SGK3: variants seen among roughly 807,000 people sequenced by gnomAD.
SGK3 encodes serum/glucocorticoid regulated kinase family member 3.
SGK3 carries 47 observed loss-of-function variants against 68.5 expected under a neutral mutation model. The ratio of observed to expected loss-of-function variants is 0.69; its 90% CI spans 0.54 to 0.87. The LOEUF (loss-of-function observed/expected upper bound fraction) is 0.87, where lower values mean the gene tolerates loss of function less well. SGK3 is among the 40% of genes least tolerant of loss of function. SGK3 has a pLI of 0.00. For missense variants in SGK3, 479 were observed against 575.5 expected (o/e 0.83, Z 1.72); for synonymous variants, 181 against 189.1 (o/e 0.96, Z 0.35).
At chr8:66,750,225 A>G (rs144682408) in intron 1 of SGK3, among the ~76,000 whole-genome samples, 1 of 152,250 alleles carries the variant, frequency 6.6e-6, no homozygotes, top group Non-Finnish European at 1.5e-5. Flanking sequence ...TGTCCTTTGT[A>G]CATATCTGGA....
chr8:66,826,230 C>T (rs1014066271), intron 6 of SGK3, among the ~76,000 whole-genome samples: 4 of 152,144 alleles, frequency 2.6e-5, no homozygotes, highest in Admixed American at 6.5e-5. Flanking sequence ...CTCGGCCTCC[C>T]AAAGTGCTGG....
At chr8:66,836,899 G>T (rs1191296465) in intron 10 of SGK3, among the ~76,000 whole-genome samples, 1 of 149,734 alleles carries the variant, frequency 6.7e-6, no homozygotes, top group Non-Finnish European at 1.5e-5. Context: ...TTTTAAAACC[G>T]TGCAGTCCCC....
chr8:66,840,323 CAG>C (rs1463265311), intron 12 of SGK3, 76 bp downstream of exon 12: 9 of 1,353,756 alleles, frequency 6.6e-6, no homozygotes, highest in East Asian at 2.3e-5. Context: ...AAAAAAGTCT[CAG>C]AGATTCTGTA....
At chr8:66,765,839 C>T (rs1013085741) in intron 1 of SGK3, among the ~76,000 whole-genome samples, 1 of 151,942 alleles carries the variant, frequency 6.6e-6, no homozygotes, top group Non-Finnish European at 1.5e-5. Context: ...GCCTGACTAA[C>T]ACGGTGAAAC....
chr8:66,763,546 C>G (rs1030501749), intron 1 of SGK3, among the ~76,000 whole-genome samples: 1 of 152,052 alleles, frequency 6.6e-6, no homozygotes, highest in East Asian at 1.9e-4. Flanking sequence ...AATCTTGGTA[C>G]TAGGGGTGTT....
rs1210209696 is a variant in SGK3, at chr8:66,801,458, T to G, written c.180+2833T>G. On this transcript the variant is annotated intron_variant, in intron 3 of 16. Transcript: ENST00000521198. Reference sequence around the variant, plus strand: ...TAGTGATTTTTTAAAAAATGGCTTATTTTGGAGGCTGAGTTTGGGTTGCAA... The same window carrying G: ...TAGTGATTTTTTAAAAAATGGCTTAGTTTGGAGGCTGAGTTTGGGTTGCAA... Among the ~76,000 whole-genome samples the G allele has an allele frequency of 2.0e-5, 3 of 152,198 alleles. 1 individual carries two copies. The highest frequency in any genetic ancestry group is 4.1e-4 in the South Asian group (2 of 4,832).
rs201687842 is a variant in SGK3 at position 66,823,401 on chromosome 8, T to TG, written c.417+942_417+943insG. Among the ~76,000 whole-genome samples the TG allele has an allele frequency of 3.3e-3, 504 of 152,000 alleles. 4 individuals are homozygous for TG. Among genetic ancestry groups the TG allele is most frequent in the African/African-American group, 0.012 (481 of 41,452 alleles). ...TAGGGTAGCCTTGTTTTTTTTTTTT[T>TG]TTGTTAATTTTTTTTGAGATGGAGT... is the stretch of plus-strand genomic sequence containing the variant. On this transcript the variant is annotated intron_variant, in intron 6 of 16. Transcript: ENST00000521198.
intron 1 of SGK3, among the ~76,000 whole-genome samples, chr8:66,715,114 T>C (rs958083466): frequency 7.9e-5 from 12 of 152,254 alleles, no homozygotes; most frequent in African/African-American, 2.7e-4. Context: ...TTTGGACTTA[T>C]TTCTTAAGAT....
intron 4 of SGK3, among the ~76,000 whole-genome samples, chr8:66,810,108 T>C (rs913246008): frequency 1.3e-5 from 2 of 152,166 alleles, no homozygotes; most frequent in Non-Finnish European, 2.9e-5. Context: ...GTTCTACCTG[T>C]TGATTGGAGG....
chr8:66,759,485 G>A (rs1249886267), intron 1 of SGK3, among the ~76,000 whole-genome samples: 1 of 150,866 alleles, frequency 6.6e-6, no homozygotes, highest in Non-Finnish European at 1.5e-5. Context: ...AGCCTGGAGT[G>A]CACTGGCATG....
At chr8:66,746,054 A>G (rs974426374) in intron 1 of SGK3, among the ~76,000 whole-genome samples, 2 of 152,198 alleles carry the variant, frequency 1.3e-5, no homozygotes, top group African/African-American at 4.8e-5. Context: ...GGACCACCAT[A>G]GATTATAGCA....
At chr8:66,735,343 C>G (rs1805288309) in intron 1 of SGK3, among the ~76,000 whole-genome samples, 1 of 152,204 alleles carries the variant, frequency 6.6e-6, no homozygotes, top group Non-Finnish European at 1.5e-5. Flanking sequence ...TAAGTTTGTA[C>G]AGAAGTAGAA....
intron 1 of SGK3, among the ~76,000 whole-genome samples, chr8:66,783,179 T>G (rs115530360): frequency 5.9e-5 from 9 of 152,258 alleles, no homozygotes; most frequent in Admixed American, 5.9e-4. Flanking sequence ...CTGAAAAGTA[T>G]GTAATGGTAT....
At chr8:66,749,409 C>T (rs774418282) in intron 1 of SGK3, among the ~76,000 whole-genome samples, 17 of 151,874 alleles carry the variant, frequency 1.1e-4, no homozygotes, top group East Asian at 3.9e-4. Context: ...AAAACAAAAA[C>T]GAAGAATAAC....
intron 3 of SGK3, among the ~76,000 whole-genome samples, 178 bp from the exon 4 acceptor site, chr8:66,804,197 A>G (rs893365291): frequency 7.2e-5 from 11 of 152,142 alleles, no homozygotes; most frequent in Non-Finnish European, 1.2e-4. Flanking sequence ...ACTAAAAAAG[A>G]CGATTAGTTT....
rs550056262 is a variant in SGK3 at position 66,712,835 on chromosome 8, T to A, written c.-122+2T>A. 1 of 151,146 alleles carries A rather than the reference T, an allele frequency of 6.6e-6. No individual in the cohort carries two copies. Among genetic ancestry groups the A allele is most frequent in the South Asian group, 2.1e-4 (1 of 4,812 alleles). 9.4% of individuals were successfully genotyped at this position (151,146 alleles called of 1,614,324 possible). ...CCGGGAGCAGCACCGCGGGGCCAGG[T>A]AGGTGCGGGGCCGGCGGGAGGGTCC... On this transcript the variant is annotated splice_donor_variant, in intron 1 of 16. Coordinates refer to ENST00000521198, the MANE Select transcript of SGK3 (RefSeq NM_001033578.3). LOFTEE classifies it low-confidence loss of function (5UTR_SPLICE).
chr8:66,746,642 C>T (rs1805662982), intron 1 of SGK3, among the ~76,000 whole-genome samples: 1 of 152,086 alleles, frequency 6.6e-6, no homozygotes, highest in African/African-American at 2.4e-5. Flanking sequence ...CAGCTCTGAA[C>T]TCTTGGGCTC....
intron 5 of SGK3, among the ~76,000 whole-genome samples, chr8:66,820,152 A>G (rs1001438186): frequency 2.0e-5 from 3 of 152,112 alleles, no homozygotes; most frequent in East Asian, 1.9e-4. Context: ...CTTTACAACC[A>G]TCATCACTAA....
chr8:66,824,366 G>A (rs1244678545), intron 6 of SGK3, among the ~76,000 whole-genome samples: 1 of 152,076 alleles, frequency 6.6e-6, no homozygotes, highest in Non-Finnish European at 1.5e-5. Context: ...GGGGCATGAA[G>A]GAATACTCTT....
Sources: gnomAD v4.1 joint callset for allele counts (sites outside exome capture counted in the v4.1 genomes callset) on GRCh38, gnomAD v4.1.1 for gene constraint, MANE v1.5 for transcripts, NCBI Gene and HGNC (gene_info 2026-07-23, HGNC 2026-07-21) for gene names.